OSBPL10: variants seen among roughly 807,000 people sequenced by gnomAD.
OSBPL10 encodes oxysterol-binding protein-related protein 10.
Under a neutral mutation model 81.7 loss-of-function variants are expected in OSBPL10, and 49 were observed. The observed-to-expected ratio is 0.60, with a 90% confidence interval of 0.48 to 0.76. The LOEUF (loss-of-function observed/expected upper bound fraction) is 0.76, where lower values mean the gene tolerates loss of function less well. Ranked by LOEUF, OSBPL10 falls within the 30% of genes least tolerant of loss-of-function variation. OSBPL10 has a pLI of 0.00. For synonymous variants in OSBPL10, 419 were observed against 383.6 expected, an observed-to-expected ratio of 1.09 and a Z score of -1.08; for missense variants, 923 against 987.8, an observed-to-expected ratio of 0.93 and a Z score of 0.88.
At chr3:32,052,319 T>C (rs898065347) in intron 1 of OSBPL10, among the ~76,000 whole-genome samples, 1 of 152,184 alleles carries the variant, frequency 6.6e-6, no homozygotes, top group South Asian at 2.1e-4. Flanking sequence ...AGATTAGATT[T>C]GCTAAATGCT....
chr3:32,012,856 A>G (rs1382273472), intron 2 of OSBPL10, among the ~76,000 whole-genome samples: 1 of 151,962 alleles, frequency 6.6e-6, no homozygotes, highest in Non-Finnish European at 1.5e-5. Flanking sequence ...AGGCCATTAC[A>G]TAATGGTAAA....
At chr3:31,762,317 G>A (rs1260498917) in intron 4 of OSBPL10, among the ~76,000 whole-genome samples, 3 of 152,172 alleles carry the variant, frequency 2.0e-5, no homozygotes, top group Non-Finnish European at 4.4e-5. Flanking sequence ...AGCCATGTCA[G>A]TAACAGCCAC....
chr3:31,773,609 T>C (rs569014047), intron 4 of OSBPL10, among the ~76,000 whole-genome samples: 39 of 152,346 alleles, frequency 2.6e-4, no homozygotes, highest in Middle Eastern at 6.8e-3. Context: ...TTGTCCTTTA[T>C]GGTGGTGGTT....
At chr3:31,972,029 T>C (rs1002970658) in intron 1 of OSBPL10, among the ~76,000 whole-genome samples, 1 of 152,192 alleles carries the variant, frequency 6.6e-6, no homozygotes, top group African/African-American at 2.4e-5. Context: ...CCACCAGGCA[T>C]AATTTCAAGC....
intron 2 of OSBPL10, among the ~76,000 whole-genome samples, chr3:31,992,546 C>G (rs983390040): frequency 3.9e-5 from 6 of 152,116 alleles, no homozygotes; most frequent in Non-Finnish European, 8.8e-5. Flanking sequence ...CCCCTTTCAG[C>G]AAGGACATCA....
intron 3 of OSBPL10, among the ~76,000 whole-genome samples, chr3:31,859,629 G>A (rs1047856949): frequency 6.6e-6 from 1 of 152,170 alleles, no homozygotes; most frequent in Non-Finnish European, 1.5e-5. Flanking sequence ...GGATGCCACA[G>A]CAAGAAGGTC....
At chr3:31,813,934 C>G (rs1197865755) in intron 4 of OSBPL10, among the ~76,000 whole-genome samples, 10 of 152,210 alleles carry the variant, frequency 6.6e-5, no homozygotes, top group Non-Finnish European at 1.5e-4. Context: ...AAGAACCACA[C>G]AAAGCAGGAA....
chr3:31,821,155 C>A (rs1464686709), intron 4 of OSBPL10, among the ~76,000 whole-genome samples: 2 of 151,984 alleles, frequency 1.3e-5, no homozygotes, highest in Non-Finnish European at 2.9e-5. Context: ...CACAACAGAG[C>A]ATTCTCCTGC....
intron 1 of OSBPL10, among the ~76,000 whole-genome samples, chr3:31,882,626 T>C (rs112815579): frequency 7.9e-4 from 120 of 152,322 alleles, no homozygotes; most frequent in Middle Eastern, 3.4e-3. Flanking sequence ...GTGTGGCTTT[T>C]TGAGCTTTAG....
intron 1 of OSBPL10, among the ~76,000 whole-genome samples, chr3:31,974,961 A>G (rs903943575): frequency 6.6e-6 from 1 of 152,212 alleles, no homozygotes; most frequent in African/African-American, 2.4e-5. Flanking sequence ...TGCAAAACAG[A>G]CACACATTCA....
In OSBPL10 at chr3:31,733,101, T is replaced by C. The variant is rs533588826; in HGVS notation, c.1095+156A>G. ...ACAAGAACATGAGAAGTGCCGGGCA[T>C]GCACATAGCTGATTTTGTCTCTCCA... On this transcript the variant is annotated intron_variant, in intron 6 of 11. Coordinates refer to ENST00000396556, the MANE Select transcript of OSBPL10 (RefSeq NM_017784.5). 6 of 967,756 alleles carry C rather than the reference T, an allele frequency of 6.2e-6. No individual in the cohort carries two copies. The East Asian group carries it at 1.1e-4, about 17-fold the overall frequency. 59.9% of individuals were successfully genotyped at this position (967,756 alleles called of 1,614,324 possible). A position where few individuals can be genotyped will look rare whatever the true frequency, so the allele number is the denominator to read the frequency against.
chr3:31,845,124 A>G (rs1298776369), intron 3 of OSBPL10, among the ~76,000 whole-genome samples: 2 of 128,368 alleles, frequency 1.6e-5, no homozygotes, highest in Admixed American at 1.8e-4. Flanking sequence ...AATGACTTTC[A>G]TATCAATTTT....
intron 1 of OSBPL10, among the ~76,000 whole-genome samples, chr3:32,068,309 G>A (rs887615689): frequency 1.3e-5 from 2 of 152,156 alleles, no homozygotes; most frequent in Admixed American, 1.3e-4. Flanking sequence ...ATCACCGCAG[G>A]GATGCCTGCC....
At chr3:31,733,676 G>A (rs1303016047) in intron 5 of OSBPL10, among the ~76,000 whole-genome samples, 3 of 134,898 alleles carry the variant, frequency 2.2e-5, no homozygotes, top group African/African-American at 8.3e-5. Flanking sequence ...ACCAAAGCCA[G>A]ATAAAGGTGT....
In OSBPL10 at chr3:31,879,831, C is replaced by T. The variant is rs771439276; in HGVS notation, c.282-1G>A. Reference sequence around the variant, plus strand: ...AGCCTCGAAATCCAGTACGAAGTACCTGCACAGAGAAACCACAGTACATCA... The same window carrying T: ...AGCCTCGAAATCCAGTACGAAGTACTTGCACAGAGAAACCACAGTACATCA... On this transcript the variant is annotated splice_acceptor_variant, in intron 1 of 11. Transcript: ENST00000396556. LOFTEE classifies it high-confidence loss of function. 7 of 1,612,750 alleles carry T rather than the reference C, an allele frequency of 4.3e-6. No homozygotes were observed.
upstream of OSBPL10, among the ~76,000 whole-genome samples, chr3:31,984,019 A>C (rs993591499): frequency 1.3e-5 from 2 of 148,814 alleles, no homozygotes; most frequent in Non-Finnish European, 3.0e-5. Flanking sequence ...TCAGAGCCTA[A>C]GGGGTTTTTT....
At chr3:31,812,806 GAAAGA>G (rs1699737044) in intron 4 of OSBPL10, among the ~76,000 whole-genome samples, 2 of 51,706 alleles carry the variant, frequency 3.9e-5, no homozygotes, top group East Asian at 8.5e-4. Flanking sequence ...AAGAAAGAAA[GAAAGA>G]AAGAAAGAGA....
chr3:31,771,686 G>T (rs1182467489), intron 4 of OSBPL10, among the ~76,000 whole-genome samples: 1 of 152,156 alleles, frequency 6.6e-6, no homozygotes, highest in Non-Finnish European at 1.5e-5. Context: ...CCAGAGGAAG[G>T]TCTTCAGGAC....
intron 4 of OSBPL10, among the ~76,000 whole-genome samples, chr3:31,749,302 G>A (rs566698342): frequency 7.9e-5 from 12 of 152,220 alleles, no homozygotes; most frequent in East Asian, 7.7e-4. Flanking sequence ...TGCTATCGGC[G>A]ATTACTTCAA....
Sources: allele counts gnomAD v4.1 joint callset (sites outside exome capture counted in the v4.1 genomes callset), GRCh38; gene constraint gnomAD v4.1.1; transcripts MANE v1.5; gene names NCBI Gene and HGNC (gene_info 2026-07-23, HGNC 2026-07-21).